Variants in LPA observed in about 807,000 individuals in gnomAD.
The protein encoded by LPA is lipoprotein(a).
In LPA, 199 loss-of-function variants were observed where a neutral mutation model predicts 197.9. That is an observed-to-expected ratio of 1.01 (90% CI 0.90 to 1.13). LPA has a LOEUF of 1.13. Ranked by LOEUF, LPA falls within the 50% of genes most tolerant of loss-of-function variation. The probability of loss-of-function intolerance (pLI) is 0.00; values close to 1 mark genes in which losing one functional copy is unlikely to be tolerated. For synonymous variants in LPA, 715 were observed against 639.5 expected, an observed-to-expected ratio of 1.12 and a Z score of -1.78; for missense variants, 1,853 against 1,785.8, an observed-to-expected ratio of 1.04 and a Z score of -0.68.
At position 160,605,114 on chromosome 6, in the gene LPA, T is replaced by C. The variant is rs1779319487; in HGVS notation, c.2877A>G (p.Arg959=). ...QGTYFITVTG[R]TCQAWSSMTP... is the part of the protein sequence containing the mutation. ...TCATAGATGACCAAGCTTGGCAGGT[T>C]CTTCCTGTGACAGTAATGAAGTATG... Residue 959 remains arginine, a synonymous_variant, in exon 18 of 39, where the codon AGA becomes AGG. Transcript: ENST00000316300. The C allele has an allele frequency of 6.2e-7, 1 of 1,613,988 alleles. No individual in the cohort carries two copies. The highest frequency in any genetic ancestry group is 1.3e-5 in the African/African-American group (1 of 75,052).
intron 32 of LPA, among the ~76,000 whole-genome samples, 166 bp downstream of exon 32, chr6:160,547,623 A>AGAGG (rs974012913): frequency 7.2e-5 from 11 of 151,884 alleles, no homozygotes; most frequent in Admixed American, 3.3e-4. Context: ...AGGCCTGAGA[A>AGAGG]CCCCCACACG....
chr6:160,655,566 G>T (rs1780118440), intron 1 of LPA, among the ~76,000 whole-genome samples: 1 of 152,162 alleles, frequency 6.6e-6, no homozygotes, highest in Non-Finnish European at 1.5e-5. Context: ...GGCCCACCAG[G>T]CATTGTGCCT....
chr6:160,554,700 T>G (rs549766348), intron 30 of LPA, among the ~76,000 whole-genome samples: 7 of 152,186 alleles, frequency 4.6e-5, no homozygotes, highest in African/African-American at 1.4e-4. Context: ...TGGTTCTCTG[T>G]CCCACTTTGT....
intron 1 of LPA, among the ~76,000 whole-genome samples, chr6:160,652,041 T>C (rs532740347): frequency 1.5e-5 from 2 of 131,576 alleles, no homozygotes; most frequent in South Asian, 2.3e-4. Flanking sequence ...AGAAGAAGCA[T>C]ATAAGGTTTA....
In LPA at chr6:160,611,496, C is replaced by A. The variant is rs1321730642; in HGVS notation, c.2603+66G>T. 6.7e-5 allele frequency: 106 copies of A among 1,593,726 alleles called. 3 individuals carry two copies. Among genetic ancestry groups the A allele is most frequent in the Non-Finnish European group, 8.8e-5 (103 of 1,170,174 alleles). On this transcript the variant is annotated intron_variant, in intron 16 of 38. Coordinates refer to ENST00000316300, the MANE Select transcript of LPA (RefSeq NM_005577.4). ...TGAGTTCGGAGAACTCAGCTTGAAG[C>A]ATGTCTCTTGTCACAGAAACTTCAG... is the stretch of plus-strand genomic sequence containing the variant.
At chr6:160,584,227 CTTCTTCTT>C (rs1778857252) in intron 26 of LPA, among the ~76,000 whole-genome samples, 1 of 100,624 alleles carries the variant, frequency 9.9e-6, no homozygotes, top group African/African-American at 3.3e-5. Context: ...TCTTCTTCTT[CTTCTTCTT>C]CTTCCTCCTC....
At chr6:160,539,560 T>C (rs1467563234) in intron 36 of LPA, among the ~76,000 whole-genome samples, 1 of 151,902 alleles carries the variant, frequency 6.6e-6, no homozygotes, top group Non-Finnish European at 1.5e-5. Flanking sequence ...GGCACAATCA[T>C]AGCTGCCTAC....
At chr6:160,567,124 C>G (rs552022650) in intron 28 of LPA, among the ~76,000 whole-genome samples, 8 of 152,330 alleles carry the variant, frequency 5.3e-5, no homozygotes, top group Admixed American at 4.6e-4. Context: ...GAATTGAACT[C>G]AGCTCTGCAC....
At chr6:160,556,295 A>G (rs1778262374) in intron 29 of LPA, 111 bp from the exon 30 acceptor site, 5 of 967,518 alleles carry the variant, frequency 5.2e-6, no homozygotes, top group African/African-American at 1.6e-5. Flanking sequence ...TCTCTTTAGT[A>G]TACTCACAAG....
intron 2 of LPA, among the ~76,000 whole-genome samples, chr6:160,647,122 G>C (rs1166144844): frequency 3.3e-5 from 5 of 152,298 alleles, no homozygotes; most frequent in Non-Finnish European, 5.9e-5. Flanking sequence ...CTTCTCTCCT[G>C]CTCTCAGTCT....
intron 26 of LPA, among the ~76,000 whole-genome samples, chr6:160,583,868 CTTAT>C (rs1179897242): frequency 6.6e-6 from 1 of 152,158 alleles, no homozygotes; most frequent in East Asian, 1.9e-4. Context: ...TGGGGTTGAT[CTTAT>C]TTGTTTCCCT....
At chr6:160,600,653 T>G (rs1398336035) in intron 19 of LPA, among the ~76,000 whole-genome samples, 1 of 152,120 alleles carries the variant, frequency 6.6e-6, no homozygotes, top group Non-Finnish European at 1.5e-5. Context: ...GACAATGAGA[T>G]AGCCCCTTTT....
intron 18 of LPA, 57 bp from the exon 19 acceptor site, chr6:160,601,155 G>C: frequency 6.6e-7 from 1 of 1,526,178 alleles, no homozygotes; most frequent in East Asian, 2.3e-5. Context: ...CAGGAACACT[G>C]TATATTTTGC....
At chr6:160,587,816 T>C (rs1228075640) in intron 24 of LPA, among the ~76,000 whole-genome samples, 11 of 150,802 alleles carry the variant, frequency 7.3e-5, no homozygotes. Context: ...TCTGTTGGTC[T>C]GTCTGTCTGT....
At chr6:160,551,913 CTT>C (rs569721968) in intron 30 of LPA, among the ~76,000 whole-genome samples, 134 of 129,244 alleles carry the variant, frequency 1.0e-3, no homozygotes, top group Admixed American at 1.3e-3. Flanking sequence ...AACACATATC[CTT>C]TTTTTTTTTT....
chr6:160,634,672 T>C (rs1354919451), intron 7 of LPA, among the ~76,000 whole-genome samples: 3 of 151,580 alleles, frequency 2.0e-5, no homozygotes, highest in East Asian at 1.9e-4. Context: ...CATATGGAAT[T>C]AATGCAGCCC....
intron 37 of LPA, 22 bp from the exon 38 acceptor site, chr6:160,532,671 A>AG (rs768435856): frequency 2.1e-5 from 32 of 1,489,548 alleles, no homozygotes; most frequent in Non-Finnish European, 2.9e-5. Flanking sequence ...AAGATGAAAG[A>AG]AATGGTTACT....
chr6:160,562,708 T>A (rs1471435207), intron 28 of LPA, among the ~76,000 whole-genome samples: 2 of 152,228 alleles, frequency 1.3e-5, no homozygotes, highest in Non-Finnish European at 2.9e-5. Flanking sequence ...GGGCTTTTTT[T>A]GGTTGGTAAG....
At chr6:160,570,329 T>C (rs1215168415) in intron 28 of LPA, among the ~76,000 whole-genome samples, 2 of 152,152 alleles carry the variant, frequency 1.3e-5, no homozygotes, top group African/African-American at 4.8e-5. Context: ...CTTCATGTCC[T>C]TTGTAGGGAT....
Sources: gnomAD v4.1 joint callset for allele counts (sites outside exome capture counted in the v4.1 genomes callset) on GRCh38, gnomAD v4.1.1 for gene constraint, MANE v1.5 for transcripts, NCBI Gene and HGNC (gene_info 2026-07-23, HGNC 2026-07-21) for gene names.